The following MEI4 variants were observed in gnomAD, a reference collection of about 807,000 sequenced individuals.
MEI4 encodes meiosis-specific protein MEI4.
MEI4 carries 27 observed loss-of-function variants against 31.4 expected under a neutral mutation model. That is an observed-to-expected ratio of 0.86 (90% CI 0.63 to 1.19). The LOEUF (loss-of-function observed/expected upper bound fraction) is 1.19. Ranked by LOEUF, MEI4 falls within the 50% of genes most tolerant of loss-of-function variation. The pLI is 0.00. For missense variants in MEI4, 329 were observed against 398.9 expected (o/e 0.82, Z 1.49); for synonymous variants, 122 against 145.4 (o/e 0.84, Z 1.16).
intron 3 of MEI4, among the ~76,000 whole-genome samples, chr6:77,789,679 GA>G (rs778228077): frequency 2.1e-4 from 32 of 152,306 alleles, no homozygotes; most frequent in Non-Finnish European, 4.3e-4. Flanking sequence ...GGCCATCAGA[GA>G]AATGTAAATC....
intron 2 of MEI4, among the ~76,000 whole-genome samples, chr6:77,747,413 C>T (rs1300695075): frequency 6.6e-6 from 1 of 152,114 alleles, no homozygotes; most frequent in Non-Finnish European, 1.5e-5. Context: ...GCTAGGGAGC[C>T]CTCAGGAAAC....
chr6:77,759,702 TCA>T (rs1768001435), intron 2 of MEI4, among the ~76,000 whole-genome samples: 1 of 152,182 alleles, frequency 6.6e-6, no homozygotes, highest in Admixed American at 6.6e-5. Flanking sequence ...ATTTTCCCAG[TCA>T]GTCCTTTTCT....
intron 3 of MEI4, among the ~76,000 whole-genome samples, chr6:77,802,434 T>C (rs1240190092): frequency 6.6e-6 from 1 of 152,184 alleles, no homozygotes; most frequent in Non-Finnish European, 1.5e-5. Flanking sequence ...AATTTGCCAG[T>C]CTGTGTCTTT....
chr6:77,809,604 G>GATCC (rs1769524813), intron 3 of MEI4, among the ~76,000 whole-genome samples: 2 of 152,104 alleles, frequency 1.3e-5, no homozygotes, highest in South Asian at 4.1e-4. Context: ...AATGATAATG[G>GATCC]AGCTCATAGA....
intron 4 of MEI4, among the ~76,000 whole-genome samples, chr6:77,842,205 A>G (rs1770382229): frequency 6.6e-6 from 1 of 152,164 alleles, no homozygotes; most frequent in African/African-American, 2.4e-5. Context: ...AGAATCATAC[A>G]TGTGATGTTC....
At chr6:77,771,229 C>A (rs886600466) in intron 3 of MEI4, among the ~76,000 whole-genome samples, 1 of 151,620 alleles carries the variant, frequency 6.6e-6, no homozygotes, top group Non-Finnish European at 1.5e-5. Flanking sequence ...AAATCAAAAC[C>A]ACAATGAGAT....
At chr6:77,855,163 G>T (rs542802582) in intron 4 of MEI4, among the ~76,000 whole-genome samples, 1 of 151,874 alleles carries the variant, frequency 6.6e-6, no homozygotes, top group South Asian at 2.1e-4. Context: ...ACCAACATGG[G>T]GAAACCCTGT....
chr6:77,710,540 AAAG>A (rs1180448140), intron 2 of MEI4, among the ~76,000 whole-genome samples: 2,960 of 42,254 alleles, frequency 0.07, 75 homozygotes, highest in East Asian at 0.22. Context: ...AAAAAAAAAA[AAAG>A]AAAAGGTAAA....
intron 3 of MEI4, among the ~76,000 whole-genome samples, chr6:77,783,954 G>A (rs973075548): frequency 2.0e-5 from 3 of 146,406 alleles, no homozygotes; most frequent in Non-Finnish European, 4.5e-5. Context: ...AGCAATTATA[G>A]CAATCTAATC....
intron 2 of MEI4, among the ~76,000 whole-genome samples, chr6:77,694,434 C>A (rs1160420239): frequency 6.6e-6 from 1 of 150,508 alleles, no homozygotes; most frequent in Non-Finnish European, 1.5e-5. Flanking sequence ...CACAACAGAC[C>A]CCGGAGTGTG....
At chr6:77,662,499 G>A (rs1413969503) in intron 1 of MEI4, among the ~76,000 whole-genome samples, 1 of 152,202 alleles carries the variant, frequency 6.6e-6, no homozygotes, top group Non-Finnish European at 1.5e-5. Flanking sequence ...TATAGCTGAA[G>A]GAGCCGGGGA....
intron 2 of MEI4, among the ~76,000 whole-genome samples, chr6:77,750,799 C>A (rs189661649): frequency 6.6e-6 from 1 of 152,248 alleles, no homozygotes; most frequent in Non-Finnish European, 1.5e-5. Context: ...ACTCTCCACC[C>A]CAAATCAACA....
chr6:77,850,525 A>G (rs1343515013), intron 4 of MEI4, among the ~76,000 whole-genome samples: 1 of 152,206 alleles, frequency 6.6e-6, no homozygotes, highest in African/African-American at 2.4e-5. Flanking sequence ...GACAAAAACA[A>G]GAAATGGGGG....
rs138505720 is a variant in MEI4 at position 77,862,476 on chromosome 6, G to A, written c.900+33414G>A. On this transcript the variant is annotated intron_variant, in intron 4 of 4. Coordinates refer to ENST00000684080, the MANE Select transcript of MEI4 (RefSeq NM_001322247.2). ...CTATGCCCATGGAGCCTTGCTCTTT[G>A]CTAGCACAGCAGTCTGAGATCAAAC... is the stretch of plus-strand genomic sequence containing the variant. 9.0e-3 allele frequency among the ~76,000 whole-genome samples: 1,376 copies of A among 152,308 alleles called. 17 individuals are homozygous for A. Among genetic ancestry groups the A allele is most frequent in the African/African-American group, 0.031 (1,276 of 41,572 alleles).
At chr6:77,784,367 G>T (rs1050611647) in intron 3 of MEI4, among the ~76,000 whole-genome samples, 2 of 152,104 alleles carry the variant, frequency 1.3e-5, no homozygotes, top group African/African-American at 4.8e-5. Flanking sequence ...CTGTTACTGA[G>T]GAGACACTGT....
intron 3 of MEI4, among the ~76,000 whole-genome samples, chr6:77,781,694 A>G (rs969799341): frequency 5.3e-5 from 8 of 152,206 alleles, no homozygotes; most frequent in African/African-American, 1.7e-4. Flanking sequence ...TATTATCTCT[A>G]TTTTACAGAT....
chr6:77,922,436 A>G (rs1766725668), intron 4 of MEI4, among the ~76,000 whole-genome samples: 3 of 151,692 alleles, frequency 2.0e-5, no homozygotes, highest in South Asian at 4.1e-4. Context: ...CTAATGATAA[A>G]GCCAGTTTTC....
chr6:77,663,719 T>A (rs1464915337), intron 1 of MEI4, among the ~76,000 whole-genome samples: 1 of 152,096 alleles, frequency 6.6e-6, no homozygotes, highest in Non-Finnish European at 1.5e-5. Flanking sequence ...CCGTATTGAT[T>A]AAGAAGGGGA....
chr6:77,673,711 A>G (rs1310061604), intron 1 of MEI4, among the ~76,000 whole-genome samples: 1 of 152,162 alleles, frequency 6.6e-6, no homozygotes, highest in Admixed American at 6.5e-5. Context: ...GACAATCACT[A>G]TGGGATGAAA....
Sources: gnomAD v4.1 joint callset for allele counts (sites outside exome capture counted in the v4.1 genomes callset) on GRCh38, gnomAD v4.1.1 for gene constraint, MANE v1.5 for transcripts, NCBI Gene and HGNC (gene_info 2026-07-23, HGNC 2026-07-21) for gene names.